Variants in CFH observed in about 807,000 individuals in gnomAD.
The protein encoded by CFH is complement factor H.
Under a neutral mutation model 147.3 loss-of-function variants are expected in CFH, and 53 were observed. That is an observed-to-expected ratio of 0.36 (90% CI 0.29 to 0.45). The LOEUF is 0.45. Ranked by LOEUF, CFH falls within the 20% of genes least tolerant of loss-of-function variation. The pLI is 1.00. For synonymous variants in CFH, 536 were observed against 489.4 expected (o/e 1.10, Z -1.26); for missense variants, 1,380 against 1,498.0 (o/e 0.92, Z 1.30).
At chr1:196,665,611 T>C (rs577730852) in intron 1 of CFH, among the ~76,000 whole-genome samples, 6 of 152,080 alleles carry the variant, frequency 3.9e-5, no homozygotes, top group Non-Finnish European at 5.9e-5. Flanking sequence ...TATTTATTAT[T>C]ATTATATTTT....
chr1:196,746,976 TC>T (rs1248197649), intron 21 of CFH, 134 bp from the exon 22 acceptor site: 1 of 1,445,126 alleles, frequency 6.9e-7, no homozygotes, highest in African/African-American at 1.5e-5. Flanking sequence ...ATATGATGTT[TC>T]TACATAGTTG....
chr1:196,689,370 T>C (rs753851541), intron 7 of CFH, 50 bp from the exon 8 acceptor site: 7 of 1,498,230 alleles, frequency 4.7e-6, no homozygotes, highest in East Asian at 2.5e-5. Context: ...AATATGAGTG[T>C]TTATTACAGT....
In CFH at chr1:196,741,925, GAGA is replaced by G. The variant is rs2149115685; in HGVS notation, c.3013_3015del (p.Lys1005del). Reference sequence around the variant, plus strand: ...CTTTGAAAATGCCATACCCATGGGAGAGAAGAAGGATGTGTATAAGGCGGGTGA... The same window carrying G: ...CTTTGAAAATGCCATACCCATGGGAGAGAAGGATGTGTATAAGGCGGGTGA... On this transcript the variant is annotated inframe_deletion, in exon 19 of 22. Coordinates refer to ENST00000367429, the MANE Select transcript of CFH (RefSeq NM_000186.4). 1 of 1,614,174 alleles carries G rather than the reference GAGA, an allele frequency of 6.2e-7. No homozygotes were observed. Among genetic ancestry groups the G allele is most frequent in the East Asian group, 2.2e-5 (1 of 44,876 alleles).
intron 4 of CFH, chr1:196,677,080 C>A (rs372262772): frequency 6.0e-6 from 1 of 166,248 alleles, no homozygotes; most frequent in East Asian, 1.7e-4. Flanking sequence ...ACGATGATTT[C>A]TCTATTGAAG....
At chr1:196,725,388 T>C (rs1669112066) in intron 12 of CFH, 91 bp downstream of exon 12, 1 of 1,206,944 alleles carries the variant, frequency 8.3e-7, no homozygotes, top group Non-Finnish European at 1.2e-6. Flanking sequence ...TCCCATTGCC[T>C]GTAATCTAAT....
At chr1:196,676,227 C>T (rs573930117) in intron 4 of CFH, among the ~76,000 whole-genome samples, 162 bp downstream of exon 4, 1 of 151,370 alleles carries the variant, frequency 6.6e-6, no homozygotes, top group African/African-American at 2.4e-5. Context: ...TTACTACATT[C>T]TTGGTGTTTC....
intron 8 of CFH, 80 bp downstream of exon 8, chr1:196,689,694 C>A: frequency 6.9e-7 from 1 of 1,458,234 alleles, no homozygotes; most frequent in Non-Finnish European, 9.6e-7. Flanking sequence ...AGTGATTACA[C>A]CTGTCTTATG....
At chr1:196,659,988 A>C (rs1480324888) in intron 1 of CFH, among the ~76,000 whole-genome samples, 2 of 152,194 alleles carry the variant, frequency 1.3e-5, no homozygotes, top group Non-Finnish European at 2.9e-5. Context: ...AACCTAATGA[A>C]CAAAAATAGT....
At chr1:196,692,674 TTC>T (rs1166269752) in intron 9 of CFH, among the ~76,000 whole-genome samples, 2 of 150,778 alleles carry the variant, frequency 1.3e-5, no homozygotes, top group South Asian at 2.1e-4. Context: ...TTTTTCTTTT[TTC>T]TCTTTCTTTC....
intron 9 of CFH, chr1:196,701,381 C>G (rs759211394): frequency 1.9e-6 from 3 of 1,612,824 alleles, no homozygotes; most frequent in Non-Finnish European, 2.5e-6. Flanking sequence ...TCAAAGATGA[C>G]AAGGGCCAAT....
At chr1:196,696,082 AT>A (rs1668255412) in intron 9 of CFH, among the ~76,000 whole-genome samples, 1 of 152,094 alleles carries the variant, frequency 6.6e-6, no homozygotes, top group Non-Finnish European at 1.5e-5. Context: ...TAACAAAGAT[AT>A]TCCCAATTTG....
intron 11 of CFH, among the ~76,000 whole-genome samples, chr1:196,719,899 T>C (rs1438359776): frequency 1.3e-5 from 2 of 151,718 alleles, no homozygotes; most frequent in Non-Finnish European, 3.0e-5. Flanking sequence ...TCTTTATTTG[T>C]AATATATTAA....
chr1:196,722,408 A>G (rs1011370055), intron 11 of CFH, among the ~76,000 whole-genome samples: 3 of 152,188 alleles, frequency 2.0e-5, no homozygotes, highest in Non-Finnish European at 2.9e-5. Flanking sequence ...CCCTGAAAAT[A>G]GGACACCAAT....
Position 196,712,608 on chromosome 1 carries a change from G to GTTA in CFH, c.1337-1104_1337-1102dup, listed in dbSNP as rs371151489. Among the ~76,000 whole-genome samples, 884 of 149,104 alleles carry GTTA rather than the reference G, an allele frequency of 5.9e-3. 7 individuals are homozygous for GTTA. The highest frequency in any genetic ancestry group is 0.016 in the African/African-American group (638 of 40,668). On this transcript the variant is annotated intron_variant, in intron 9 of 21. Transcript: ENST00000367429. ...AAACGACAGTAATTTCTTTTTTTGGGTTATTATTATTATTATTATTATTAT... is the reference window on the plus strand; with the variant it reads ...AAACGACAGTAATTTCTTTTTTTGGGTTATTATTATTATTATTATTATTATTAT...
chr1:196,741,503 C>T (rs1652808526), intron 18 of CFH: 1 of 287,160 alleles, frequency 3.5e-6, no homozygotes, highest in African/African-American at 2.3e-5. Flanking sequence ...AATCACTTCC[C>T]ACCAGGTCTC....
chr1:196,745,806 A>G lies in CFH; in HGVS notation c.3311-11A>G, dbSNP rs752866405. The G allele has an allele frequency of 1.9e-6, 3 of 1,614,004 alleles. No individual in the cohort carries two copies. The South Asian group carries it at 3.3e-5, about 18-fold the overall frequency. The stretch of plus-strand genomic sequence containing the variant: ...TCACAACAAATCAAGTGATGAAATG[A>G]TGTTTTTTAGATTCTACAGGAAAAT... On this transcript the variant is annotated splice_polypyrimidine_tract_variant and intron_variant, in intron 20 of 21. Coordinates refer to ENST00000367429, the MANE Select transcript of CFH (RefSeq NM_000186.4).
rs373204073 is a variant in CFH, at chr1:196,669,152, TC to T, written c.59-3823del. On this transcript the variant is annotated intron_variant, in intron 1 of 21. Coordinates refer to ENST00000367429, the MANE Select transcript of CFH (RefSeq NM_000186.4). ...AAGAGATTGGCAACATTTTGCCCCT[TC>T]CCTAGAGATCTGTGGAACTTTGAAC... Among the ~76,000 whole-genome samples the T allele has an allele frequency of 2.6e-3, 402 of 152,300 alleles. 2 individuals are homozygous for T. The highest frequency in any genetic ancestry group is 0.014 in the East Asian group (71 of 5,180).
At chr1:196,708,879 C>T (rs203684) in intron 9 of CFH, among the ~76,000 whole-genome samples, 6,572 of 152,242 alleles carry the variant, frequency 0.043, 452 homozygotes, top group African/African-American at 0.14. Context: ...CTAGGCATCA[C>T]GAGTCCTAGC....
intron 9 of CFH, among the ~76,000 whole-genome samples, chr1:196,706,742 C>CA (rs1406901074): frequency 2.0e-5 from 3 of 152,118 alleles, no homozygotes; most frequent in South Asian, 4.2e-4. Context: ...GAAGACTATC[C>CA]AAAAAATAAT....
Sources: allele counts gnomAD v4.1 joint callset (sites outside exome capture counted in the v4.1 genomes callset), GRCh38; gene constraint gnomAD v4.1.1; transcripts MANE v1.5; gene names NCBI Gene and HGNC (gene_info 2026-07-23, HGNC 2026-07-21).